Variants in TUNAR observed in about 807,000 individuals in gnomAD.
TUNAR encodes transmembrane neural differentiation associated intracellular calcium regulator.
intron 2 of TUNAR, among the ~76,000 whole-genome samples, chr14:95,901,340 C>T (rs1355025911): frequency 1.3e-5 from 2 of 152,220 alleles, no homozygotes; most frequent in East Asian, 1.9e-4. Flanking sequence ...TGGAAAAGCC[C>T]GAACATTCTC....
Position 95,898,285 on chromosome 14 carries a change from G to A in TUNAR, c.12+21108G>A, listed in dbSNP as rs1889295666. 2.0e-5 allele frequency among the ~76,000 whole-genome samples: 3 copies of A among 152,132 alleles called. 1 individual carries two copies. On this transcript the variant is annotated intron_variant, in intron 2 of 2. Transcript: ENST00000678517. ...TTTGTAGATTATTTATTCTCTATTT[G>A]TCTTGTCCAGAAGATTATAAGAATT...
rs140789176 is a variant in TUNAR, at chr14:95,923,113, G to T, written c.*147G>T. 6.9e-4 allele frequency: 274 copies of T among 396,486 alleles called. 1 individual carries two copies. Among genetic ancestry groups the T allele is most frequent in the African/African-American group, 4.9e-3 (237 of 48,706 alleles). 24.6% of individuals were successfully genotyped at this position (396,486 alleles called of 1,614,324 possible). A position where few individuals can be genotyped will look rare whatever the true frequency, so the allele number is the denominator to read the frequency against. ...AATGCACCTTCAAACTTTACAAAAG[G>T]TCACACAAATAGACCGATCCTGCTG... On this transcript the variant is annotated 3_prime_UTR_variant, in exon 3 of 3. Coordinates refer to ENST00000678517, the Ensembl canonical transcript of TUNAR.
At position 95,914,294 on chromosome 14, in the gene TUNAR, G is replaced by T. The variant is rs114133932; in HGVS notation, c.13-8487G>T. ...TCAACAGATTGGCACAGTGGGCAGAGGTCAGCCCCCTGGACTGTAATGTAA... is the reference window on the plus strand; with the variant it reads ...TCAACAGATTGGCACAGTGGGCAGATGTCAGCCCCCTGGACTGTAATGTAA... On this transcript the variant is annotated intron_variant, in intron 2 of 2. Coordinates refer to ENST00000678517, the Ensembl canonical transcript of TUNAR. 1.9e-3 allele frequency among the ~76,000 whole-genome samples: 282 copies of T among 152,314 alleles called. 1 individual carries two copies. Among genetic ancestry groups the T allele is most frequent in the African/African-American group, 6.5e-3 (270 of 41,554 alleles).
chr14:95,888,808 G>T (rs998405866), intron 2 of TUNAR, among the ~76,000 whole-genome samples: 12 of 135,510 alleles, frequency 8.9e-5, no homozygotes, highest in South Asian at 2.4e-4. Flanking sequence ...TCGAGGGGAT[G>T]GGGGGGGCAG....
chr14:95,909,278 ATC>A (rs1343332253), intron 2 of TUNAR, among the ~76,000 whole-genome samples: 2 of 138,698 alleles, frequency 1.4e-5, no homozygotes, highest in Non-Finnish European at 3.1e-5. Flanking sequence ...CCTTGCTGCC[ATC>A]TCTTTTTTTT....
chr14:95,887,389 G>A (rs1261856616), intron 2 of TUNAR, among the ~76,000 whole-genome samples: 1 of 152,158 alleles, frequency 6.6e-6, no homozygotes, highest in African/African-American at 2.4e-5. Context: ...AGCTTTTGGG[G>A]CAGCCTGGTG....
At chr14:95,896,930 G>C (rs990837409) in intron 2 of TUNAR, among the ~76,000 whole-genome samples, 2 of 152,160 alleles carry the variant, frequency 1.3e-5, no homozygotes, top group African/African-American at 2.4e-5. Context: ...CTGCTTAGCA[G>C]GCTCTAAAAT....
intron 2 of TUNAR, among the ~76,000 whole-genome samples, chr14:95,885,014 G>A (rs1889052479): frequency 6.6e-6 from 1 of 152,166 alleles, no homozygotes; most frequent in Admixed American, 6.5e-5. Context: ...GGACCATGTT[G>A]TGAGATTAAC....
intron 2 of TUNAR, among the ~76,000 whole-genome samples, chr14:95,915,865 C>T (rs1329473084): frequency 1.3e-5 from 2 of 152,234 alleles, no homozygotes; most frequent in East Asian, 1.9e-4. Context: ...AGTTGCCCAT[C>T]GCCTTAGCAC....
At chr14:95,916,038 T>C (rs538958256) in intron 2 of TUNAR, among the ~76,000 whole-genome samples, 123 of 152,396 alleles carry the variant, frequency 8.1e-4, no homozygotes, top group African/African-American at 2.9e-3. Context: ...TAATTTGTTT[T>C]AATATCAGTA....
At chr14:95,901,821 A>C (rs1175817443) in intron 2 of TUNAR, among the ~76,000 whole-genome samples, 2 of 152,186 alleles carry the variant, frequency 1.3e-5, no homozygotes, top group Non-Finnish European at 2.9e-5. Flanking sequence ...AATGAAGTGT[A>C]GGGTACATAG....
chr14:95,920,040 A>C (rs2139673407), intron 2 of TUNAR, among the ~76,000 whole-genome samples: 1 of 152,302 alleles, frequency 6.6e-6, no homozygotes, highest in East Asian at 1.9e-4. Flanking sequence ...TAGAGACATA[A>C]ATTTTGGGTG....
intron 2 of TUNAR, among the ~76,000 whole-genome samples, chr14:95,910,737 C>T (rs1007652854): frequency 1.2e-4 from 18 of 152,230 alleles, no homozygotes; most frequent in African/African-American, 4.3e-4. Flanking sequence ...CTGTGGCTGC[C>T]TGTGCTGGGC....
intron 2 of TUNAR, among the ~76,000 whole-genome samples, chr14:95,903,050 A>G (rs2139663699): frequency 1.3e-5 from 2 of 152,310 alleles, no homozygotes; most frequent in East Asian, 3.9e-4. Context: ...AACAGTAATC[A>G]GGTGGGCATT....
intron 2 of TUNAR, among the ~76,000 whole-genome samples, chr14:95,912,789 T>G (rs1405443068): frequency 6.6e-6 from 1 of 152,022 alleles, no homozygotes; most frequent in East Asian, 1.9e-4. Context: ...CTTCCTTTTT[T>G]TCTTTTTTTT....
rs766103041 is a variant in TUNAR, at chr14:95,878,988, A to AT, written c.12+1821dup. Among the ~76,000 whole-genome samples, 573 of 150,560 alleles carry AT rather than the reference A, an allele frequency of 3.8e-3. 1 individual carries two copies. Among genetic ancestry groups the AT allele is most frequent in the Non-Finnish European group, 4.0e-3 (267 of 67,480 alleles). On this transcript the variant is annotated intron_variant, in intron 2 of 2. Coordinates refer to ENST00000678517, the Ensembl canonical transcript of TUNAR. Reference sequence around the variant, plus strand: ...ACAATTACTGCAAATAAATAAAGTGATTTTTTTTTTAGACTCTTCCAACTG... The same window carrying AT: ...ACAATTACTGCAAATAAATAAAGTGATTTTTTTTTTTAGACTCTTCCAACTG...
intron 2 of TUNAR, among the ~76,000 whole-genome samples, chr14:95,919,759 C>T (rs1291992866): frequency 1.3e-5 from 2 of 151,958 alleles, no homozygotes; most frequent in Non-Finnish European, 2.9e-5. Context: ...GTTTAAAATG[C>T]ACCCAAAAAA....
intron 2 of TUNAR, among the ~76,000 whole-genome samples, chr14:95,922,402 A>G (rs1289007702): frequency 6.6e-6 from 1 of 152,168 alleles, no homozygotes. Flanking sequence ...GTGTAACCCA[A>G]TATGTGAGAG....
chr14:95,913,507 G>A (rs969771398), intron 2 of TUNAR, among the ~76,000 whole-genome samples: 3 of 152,128 alleles, frequency 2.0e-5, no homozygotes, highest in South Asian at 2.1e-4. Context: ...GTAATCACAC[G>A]AATTTTTCAT....
Sources: allele counts gnomAD v4.1 joint callset (sites outside exome capture counted in the v4.1 genomes callset), GRCh38; gene constraint gnomAD v4.1.1; transcripts MANE v1.5; gene names NCBI Gene and HGNC (gene_info 2026-07-23, HGNC 2026-07-21).